Variants in RNF20 observed in about 807,000 individuals in gnomAD.
RNF20 encodes the protein E3 ubiquitin-protein ligase BRE1A.
RNF20 carries 84 observed loss-of-function variants against 126.2 expected under a neutral mutation model. That is an observed-to-expected ratio of 0.67 (90% confidence interval 0.56 to 0.80). The LOEUF (loss-of-function observed/expected upper bound fraction) is 0.80, where lower values mean the gene tolerates loss of function less well. Among genes scored for constraint, RNF20 ranks in the 30% least tolerant of loss-of-function variants. The pLI, the probability that RNF20 is intolerant of heterozygous loss-of-function variation, is 0.00. For missense variants in RNF20, 869 were observed against 1,188.2 expected (o/e 0.73, Z 3.95); for synonymous variants, 400 against 414.3 (o/e 0.97, Z 0.42).
At chr9:101,556,770 T>G (rs113570728) in intron 15 of RNF20, among the ~76,000 whole-genome samples, 2 of 152,230 alleles carry the variant, frequency 1.3e-5, no homozygotes, top group African/African-American at 4.8e-5. Flanking sequence ...AAAAAATATT[T>G]TTAACTTTTA....
chr9:101,562,490 T>G lies in RNF20; in HGVS notation c.*68T>G, dbSNP rs1827644383. On this transcript the variant is annotated 3_prime_UTR_variant, in exon 20 of 20. Transcript: ENST00000389120. ...ATTCATTAACCACCAAACCTCTACC[T>G]CTTCTCTCCTTGACTGTCACCTGTA... The G allele has an allele frequency of 1.4e-6, 2 of 1,446,786 alleles. No individual in the cohort carries two copies. Among genetic ancestry groups the G allele is most frequent in the South Asian group, 1.3e-5 (1 of 78,462 alleles). 89.6% of individuals were successfully genotyped at this position (1,446,786 alleles called of 1,614,324 possible).
intron 2 of RNF20, among the ~76,000 whole-genome samples, chr9:101,539,950 G>C (rs1827233810): frequency 6.6e-6 from 1 of 152,014 alleles, no homozygotes; most frequent in African/African-American, 2.4e-5. Context: ...TTACTTTGTA[G>C]ATGTTTATGT....
chr9:101,554,394 G>T (rs1827495570), intron 14 of RNF20, among the ~76,000 whole-genome samples: 1 of 152,016 alleles, frequency 6.6e-6, no homozygotes. Flanking sequence ...ATTACTTTTG[G>T]GAGGAATGTC....
chr9:101,556,095 A>G (rs1373676945), intron 15 of RNF20, among the ~76,000 whole-genome samples: 4 of 152,110 alleles, frequency 2.6e-5, no homozygotes, highest in Non-Finnish European at 5.9e-5. Context: ...GAAAGACACT[A>G]TGTTCTTGTA....
intron 5 of RNF20, among the ~76,000 whole-genome samples, chr9:101,541,606 C>T (rs983517565): frequency 1.3e-5 from 2 of 152,014 alleles, no homozygotes; most frequent in African/African-American, 2.4e-5. Flanking sequence ...ATCTGTTTAT[C>T]GTGTATGTAG....
chr9:101,560,411 T>C (rs964189407), intron 16 of RNF20, among the ~76,000 whole-genome samples: 4 of 152,210 alleles, frequency 2.6e-5, no homozygotes, highest in Admixed American at 2.0e-4. Context: ...GATTCTACTT[T>C]GTGCATTAAT....
chr9:101,548,054 A>G (rs966524098), intron 9 of RNF20, among the ~76,000 whole-genome samples: 4 of 152,212 alleles, frequency 2.6e-5, no homozygotes, highest in Admixed American at 1.3e-4. Context: ...TAAGAAAACA[A>G]TCCCATTTAC....
chr9:101,557,557 G>A lies in RNF20; in HGVS notation c.2343G>A (p.Lys781=). Residue 781 remains lysine, a synonymous_variant, in exon 16 of 20, where the codon AAG becomes AAA. Transcript: ENST00000389120. ...NQIHKLLKEE[K]EELADQVLTL... ...TCCATAAGTTGCTTAAAGAAGAGAAGGAGGAGCTGGCAGACCAGGTGTTGA... is the reference window on the plus strand; with the variant it reads ...TCCATAAGTTGCTTAAAGAAGAGAAAGAGGAGCTGGCAGACCAGGTGTTGA... 1 of 1,613,988 alleles carries A rather than the reference G, an allele frequency of 6.2e-7. No homozygotes were observed. The highest frequency in any genetic ancestry group is 8.5e-7 in the Non-Finnish European group (1 of 1,179,890).
intron 2 of RNF20, 62 bp downstream of exon 2, chr9:101,535,614 A>G (rs1827170860): frequency 6.4e-7 from 1 of 1,555,556 alleles, no homozygotes; most frequent in Non-Finnish European, 8.7e-7. Flanking sequence ...TTGAAACTAA[A>G]AATTCATGGA....
chr9:101,539,700 A>G (rs1414623294), intron 2 of RNF20, among the ~76,000 whole-genome samples: 2 of 152,232 alleles, frequency 1.3e-5, no homozygotes, highest in African/African-American at 4.8e-5. Flanking sequence ...TGGCTGAAGC[A>G]CAGTGGAGGA....
intron 11 of RNF20, 104 bp from the exon 12 acceptor site, chr9:101,552,037 A>C (rs1335646138): frequency 6.9e-7 from 1 of 1,446,650 alleles, no homozygotes. Flanking sequence ...TTATTTGGTA[A>C]TTCTCCCTAT....
At chr9:101,561,048 TA>T in intron 17 of RNF20, 41 bp from the exon 18 acceptor site, 1 of 1,607,982 alleles carries the variant, frequency 6.2e-7, no homozygotes, top group Non-Finnish European at 8.5e-7. Context: ...CTGGCAATAA[TA>T]GGTGATACAA....
At chr9:101,554,891 T>C (rs1827509538) in intron 15 of RNF20, 48 bp downstream of exon 15, 1 of 1,349,266 alleles carries the variant, frequency 7.4e-7, no homozygotes, top group East Asian at 2.7e-5. Flanking sequence ...AAATGTTACT[T>C]GACAATAAGT....
Position 101,552,470 on chromosome 9 carries a change from T to G in RNF20, c.1618T>G (p.Ser540Ala). The change falls in exon 13 of 20, where the codon TCT becomes GCT. Residue 540 changes from serine to alanine, a missense_variant. By Grantham distance (99) the Ser-to-Ala change is moderately conservative (BLOSUM62 1). This residue lies in a region of RNF20 where 231 missense variants were observed against 263.6 expected (regional missense o/e 0.88). Transcript: ENST00000389120. ...KDEPAELKPD[S>A]EDLSSQSSAS... is the part of the protein sequence containing the mutation. Reference sequence around the variant, plus strand: ...TGAGCCTGCGGAGCTAAAACCAGATTCTGAGGACTTATCCTCCCAGTCCTC... The same window carrying G: ...TGAGCCTGCGGAGCTAAAACCAGATGCTGAGGACTTATCCTCCCAGTCCTC... 1 of 1,613,708 alleles carries G rather than the reference T, an allele frequency of 6.2e-7. No individual in the cohort carries two copies. The highest frequency in any genetic ancestry group is 8.5e-7 in the Non-Finnish European group (1 of 1,179,652).
chr9:101,539,883 A>G (rs7029878), intron 2 of RNF20, among the ~76,000 whole-genome samples: 2 of 151,370 alleles, frequency 1.3e-5, no homozygotes, highest in Non-Finnish European at 2.9e-5. Context: ...ACGAGATAGA[A>G]GACAGTGTTG....
chr9:101,535,233 A>AT lies in RNF20; in HGVS notation c.-26-151dup, dbSNP rs78332864. Among the ~76,000 whole-genome samples, 1,217 of 142,326 alleles carry AT rather than the reference A, an allele frequency of 8.6e-3. 4 individuals are homozygous for AT. The highest frequency in any genetic ancestry group is 0.036 in the Middle Eastern group (10 of 280). The allele number at this position is 142,326 out of a possible 152,430, so 93.4% of individuals were successfully genotyped here. On this transcript the variant is annotated intron_variant, in intron 1 of 19. Transcript: ENST00000389120. ...GCCTTGACTTTTACTCTACAATTTA[A>AT]TTTTTTTTTTTTTTCCTCAAAGAGA...
Position 101,562,489 on chromosome 9 carries a change from C to T in RNF20, c.*67C>T. Reference sequence around the variant, plus strand: ...TATTCATTAACCACCAAACCTCTACCTCTTCTCTCCTTGACTGTCACCTGT... The same window carrying T: ...TATTCATTAACCACCAAACCTCTACTTCTTCTCTCCTTGACTGTCACCTGT... On this transcript the variant is annotated 3_prime_UTR_variant, in exon 20 of 20. Transcript: ENST00000389120. 4.1e-6 allele frequency: 6 copies of T among 1,447,042 alleles called. No individual in the cohort carries two copies. The highest frequency in any genetic ancestry group is 5.6e-6 in the Non-Finnish European group (6 of 1,068,472). The allele number at this position is 1,447,042 out of a possible 1,614,324, so 89.6% of individuals were successfully genotyped here. A position where few individuals can be genotyped will look rare whatever the true frequency, so the allele number is the denominator to read the frequency against.
intron 8 of RNF20, 33 bp from the exon 9 acceptor site, chr9:101,547,366 T>G: frequency 3.7e-6 from 6 of 1,611,144 alleles, no homozygotes; most frequent in Non-Finnish European, 5.1e-6. Flanking sequence ...AGAAGAATAC[T>G]TATTTATTCT....
chr9:101,548,809 G>T (rs1827394859), intron 9 of RNF20, among the ~76,000 whole-genome samples: 1 of 152,146 alleles, frequency 6.6e-6, no homozygotes, highest in Non-Finnish European at 1.5e-5. Context: ...GTAAACTAGG[G>T]TGAGGATCCA....
Sources: allele counts gnomAD v4.1 joint callset (sites outside exome capture counted in the v4.1 genomes callset), GRCh38; gene constraint gnomAD v4.1.1; regional missense constraint gnomAD v4.1.1; transcripts MANE v1.5; gene names NCBI Gene and HGNC (gene_info 2026-07-23, HGNC 2026-07-21).